Variants in EXOC2 observed in about 807,000 individuals in gnomAD.
EXOC2 encodes SEC5-like 1.
EXOC2 carries 70 observed loss-of-function variants against 131.8 expected under a neutral mutation model. The ratio of observed to expected loss-of-function variants is 0.53; its 90% confidence interval spans 0.44 to 0.65. The LOEUF (loss-of-function observed/expected upper bound fraction) is 0.65, where lower values mean the gene tolerates loss of function less well. Ranked by LOEUF, EXOC2 falls within the 30% of genes least tolerant of loss-of-function variation. EXOC2 has a pLI of 0.00. For synonymous variants in EXOC2, 411 were observed against 398.4 expected (o/e 1.03, Z -0.38); for missense variants, 923 against 1,108.6 (o/e 0.83, Z 2.38).
At chr6:688,295 C>A (rs1764759698) in intron 1 of EXOC2, among the ~76,000 whole-genome samples, 1 of 152,128 alleles carries the variant, frequency 6.6e-6, no homozygotes, top group Non-Finnish European at 1.5e-5. Context: ...CCCAGCTGAG[C>A]TGGTGACCAT....
intron 1 of EXOC2, among the ~76,000 whole-genome samples, chr6:686,066 A>G (rs1415986208): frequency 1.3e-5 from 2 of 150,528 alleles, no homozygotes; most frequent in Non-Finnish European, 3.0e-5. Flanking sequence ...GGTTCAAGCG[A>G]TTCTCCTGCC....
intron 7 of EXOC2, among the ~76,000 whole-genome samples, chr6:603,132 GTGAAT>G (rs559481864): frequency 2.4e-4 from 37 of 152,178 alleles, no homozygotes; most frequent in Non-Finnish European, 4.3e-4. Context: ...TCCACTTGCT[GTGAAT>G]TGGAGAGGTC....
intron 1 of EXOC2, among the ~76,000 whole-genome samples, chr6:653,055 C>T (rs1200743523): frequency 6.6e-6 from 1 of 152,204 alleles, no homozygotes; most frequent in Non-Finnish European, 1.5e-5. Context: ...CGGGGCACCA[C>T]AAACCATGCT....
At chr6:550,784 C>G (rs1757103773) in intron 21 of EXOC2, among the ~76,000 whole-genome samples, 2 of 152,194 alleles carry the variant, frequency 1.3e-5, no homozygotes, top group African/African-American at 4.8e-5. Context: ...CATCAGCTGC[C>G]TTCAACATGC....
chr6:490,582 G>A (rs1489939376), intron 26 of EXOC2, among the ~76,000 whole-genome samples: 1 of 152,234 alleles, frequency 6.6e-6, no homozygotes, highest in Non-Finnish European at 1.5e-5. Flanking sequence ...CATTTCATTT[G>A]CATACGACTT....
At chr6:489,789 T>A (rs1763314018) in intron 26 of EXOC2, among the ~76,000 whole-genome samples, 1 of 152,248 alleles carries the variant, frequency 6.6e-6, no homozygotes, top group South Asian at 2.1e-4. Context: ...GGGTCGTTGC[T>A]TTTATATTGT....
At chr6:691,097 A>C (rs1764904969) in intron 1 of EXOC2, among the ~76,000 whole-genome samples, 1 of 152,244 alleles carries the variant, frequency 6.6e-6, no homozygotes, top group Non-Finnish European at 1.5e-5. Flanking sequence ...ACACCTCTGT[A>C]ACCAGCACTT....
intron 1 of EXOC2, among the ~76,000 whole-genome samples, chr6:672,791 T>C (rs748436399): frequency 6.6e-6 from 1 of 152,182 alleles, no homozygotes; most frequent in African/African-American, 2.4e-5. Context: ...AGGATTCGAG[T>C]GGTGACTTCC....
At chr6:500,705 C>T (rs1272954681) in intron 23 of EXOC2, among the ~76,000 whole-genome samples, 1 of 152,076 alleles carries the variant, frequency 6.6e-6, no homozygotes, top group Non-Finnish European at 1.5e-5. Context: ...ATTCCAGATG[C>T]CTTCTAGAGC....
intron 23 of EXOC2, among the ~76,000 whole-genome samples, chr6:510,222 C>T (rs1283838051): frequency 1.3e-5 from 2 of 152,188 alleles, no homozygotes; most frequent in Non-Finnish European, 2.9e-5. Context: ...TTAAGTTCCC[C>T]TTCGTCAGGT....
Position 568,817 on chromosome 6 carries a change from T to C in EXOC2, c.1443+3703A>G, listed in dbSNP as rs1215033110. Among the ~76,000 whole-genome samples, 3 of 152,232 alleles carry C rather than the reference T, an allele frequency of 2.0e-5. No individual in the cohort carries two copies. In the East Asian group the frequency reaches 5.8e-4, roughly 29 times the overall value. On this transcript the variant is annotated intron_variant, in intron 13 of 27. Transcript: ENST00000230449. Reference sequence around the variant, plus strand: ...AATCAAAGAAAAGCGTGAAAATCTGTTGTTAAAAAACATATAAAAATTAAG... The same window carrying C: ...AATCAAAGAAAAGCGTGAAAATCTGCTGTTAAAAAACATATAAAAATTAAG...
chr6:643,334 T>C (rs1171952783), intron 1 of EXOC2, among the ~76,000 whole-genome samples: 1 of 117,046 alleles, frequency 8.5e-6, no homozygotes, highest in Non-Finnish European at 1.9e-5. Flanking sequence ...GGCCATAAAG[T>C]AAGTCACAGG....
chr6:537,887 C>T (rs2127549000), intron 22 of EXOC2, among the ~76,000 whole-genome samples: 1 of 152,302 alleles, frequency 6.6e-6, no homozygotes, highest in East Asian at 1.9e-4. Context: ...AAATGATTCT[C>T]TGCAGATAGC....
intron 25 of EXOC2, 86 bp from the exon 26 acceptor site, chr6:491,272 T>TACGATGAGCAG: frequency 7.2e-7 from 1 of 1,395,004 alleles, no homozygotes; most frequent in Non-Finnish European, 1.0e-6. Flanking sequence ...GTCTCCAGCC[T>TACGATGAGCAG]GCTCATCGTA....
chr6:631,407 A>G (rs1037150125), intron 3 of EXOC2, among the ~76,000 whole-genome samples: 131 of 152,194 alleles, frequency 8.6e-4, no homozygotes, highest in Middle Eastern at 3.4e-3. Flanking sequence ...GCATGGTGGC[A>G]CGCACCTGTA....
chr6:521,627 C>T (rs1037736198), intron 23 of EXOC2, among the ~76,000 whole-genome samples: 25 of 151,840 alleles, frequency 1.6e-4, no homozygotes, highest in Admixed American at 1.0e-3. Flanking sequence ...CCCAGGCTCA[C>T]GTGATCCTCC....
At chr6:685,867 C>CTGTTTTTTTTTTTT (rs1491058770) in intron 1 of EXOC2, among the ~76,000 whole-genome samples, 1 of 121,426 alleles carries the variant, frequency 8.2e-6, no homozygotes, top group Non-Finnish European at 1.8e-5. Flanking sequence ...TTTCCTGGAC[C>CTGTTTTTTTTTTTT]TCTTTTTTTT....
chr6:564,547 T>C lies in EXOC2; in HGVS notation c.1665A>G (p.Val555=), dbSNP rs1267140139. 1.9e-6 allele frequency: 3 copies of C among 1,614,206 alleles called. No individual in the cohort carries two copies. The highest frequency in any genetic ancestry group is 2.2e-5 in the East Asian group (1 of 44,892). The stretch of plus-strand genomic sequence containing the variant: ...TCTGAGAATGTGTCCATACTCACCT[T>C]ACAGTCTGGATGGCGTGAGCGAGCC... ...GQWLAHAIQT[V]RLTHESLTAL... Residue 555 remains valine, a splice_region_variant and synonymous_variant, in exon 15 of 28, where the codon GTA becomes GTG. Coordinates refer to ENST00000230449, the MANE Select transcript of EXOC2 (RefSeq NM_018303.6).
intron 23 of EXOC2, among the ~76,000 whole-genome samples, chr6:509,102 T>C (rs1363004808): frequency 2.6e-5 from 4 of 152,250 alleles, no homozygotes; most frequent in African/African-American, 9.6e-5. Flanking sequence ...TGAAGGTCTT[T>C]GACTTAAGCA....
Sources: allele counts gnomAD v4.1 joint callset (sites outside exome capture counted in the v4.1 genomes callset), GRCh38; gene constraint gnomAD v4.1.1; transcripts MANE v1.5; gene names NCBI Gene and HGNC (gene_info 2026-07-23, HGNC 2026-07-21).